The following SCAI variants were observed in gnomAD, a reference collection of about 807,000 sequenced individuals.
SCAI encodes the protein protein SCAI.
In SCAI, 24 loss-of-function variants were observed where a neutral mutation model predicts 92.2. That is an observed-to-expected ratio of 0.26 (90% CI 0.19 to 0.37). SCAI has a LOEUF of 0.37. Among genes scored for constraint, SCAI ranks in the 10% least tolerant of loss-of-function variants. SCAI has a pLI of 1.00. For synonymous variants in SCAI, 261 were observed against 258.6 expected (o/e 1.01, Z -0.09); for missense variants, 450 against 736.2 (o/e 0.61, Z 4.50).
chr9:125,087,773 A>G (rs968861565), intron 2 of SCAI, among the ~76,000 whole-genome samples: 1 of 152,154 alleles, frequency 6.6e-6, no homozygotes, highest in Non-Finnish European at 1.5e-5. Context: ...AATCAGGGAA[A>G]CTGGTAATTT....
intron 11 of SCAI, among the ~76,000 whole-genome samples, chr9:125,002,568 C>T (rs892191357): frequency 1.3e-5 from 2 of 149,280 alleles, no homozygotes; most frequent in Non-Finnish European, 3.0e-5. Context: ...CCGCAGCCTC[C>T]GCCTCCCGGG....
chr9:125,012,761 T>C (rs891584352), intron 9 of SCAI, among the ~76,000 whole-genome samples: 17 of 152,126 alleles, frequency 1.1e-4, no homozygotes, highest in African/African-American at 1.4e-4. Flanking sequence ...TATTCCAAAA[T>C]TGACCACATA....
intron 14 of SCAI, among the ~76,000 whole-genome samples, chr9:124,983,476 C>T (rs1453990768): frequency 6.6e-6 from 1 of 152,202 alleles, no homozygotes; most frequent in African/African-American, 2.4e-5. Context: ...CCTCAGCCTC[C>T]CTACTAGCTG....
chr9:124,983,947 A>G (rs536875797), intron 14 of SCAI, among the ~76,000 whole-genome samples: 1 of 152,336 alleles, frequency 6.6e-6, no homozygotes, highest in South Asian at 2.1e-4. Flanking sequence ...AATTAAACGT[A>G]TACACATAAA....
intron 6 of SCAI, among the ~76,000 whole-genome samples, chr9:125,024,465 C>T (rs1453876969): frequency 2.6e-5 from 4 of 151,928 alleles, no homozygotes; most frequent in African/African-American, 7.3e-5. Context: ...TTAGTAGAGA[C>T]GGGGTTTCAC....
chr9:125,023,188 A>G (rs1234307051), intron 6 of SCAI, among the ~76,000 whole-genome samples: 1 of 152,110 alleles, frequency 6.6e-6, no homozygotes, highest in Non-Finnish European at 1.5e-5. Context: ...TTTCTTACCA[A>G]TCCTTCTTGT....
chr9:124,958,721 A>G (rs1662885381), intron 17 of SCAI, among the ~76,000 whole-genome samples: 1 of 152,126 alleles, frequency 6.6e-6, no homozygotes, highest in Non-Finnish European at 1.5e-5. Flanking sequence ...AGCCTGGCCA[A>G]CATAGTGAAA....
chr9:125,072,524 T>A (rs1833998449), intron 2 of SCAI, among the ~76,000 whole-genome samples: 1 of 152,190 alleles, frequency 6.6e-6, no homozygotes, highest in Non-Finnish European at 1.5e-5. Context: ...ATTTTTTTAC[T>A]TTTTTATTGT....
Position 125,008,706 on chromosome 9 carries a change from C to A in SCAI, c.862-5136G>T, listed in dbSNP as rs147414667. 5.5e-3 allele frequency among the ~76,000 whole-genome samples: 845 copies of A among 152,266 alleles called. 7 individuals are homozygous for A. Among genetic ancestry groups the A allele is most frequent in the Non-Finnish European group, 6.5e-3 (439 of 68,004 alleles). On this transcript the variant is annotated intron_variant, in intron 9 of 17. Transcript: ENST00000336505. ...AATACAGAAAAGAATATAACAGACACACGTGGCACTGTGAACGGGTCTACA... is the reference window on the plus strand; with the variant it reads ...AATACAGAAAAGAATATAACAGACAAACGTGGCACTGTGAACGGGTCTACA...
rs936145712 is a variant in SCAI at position 124,972,347 on chromosome 9, G to A, written c.1400-503C>T. On this transcript the variant is annotated intron_variant, in intron 15 of 17. Transcript: ENST00000336505. ...ACAAATTTCTAATTCTCTATCAGCAGCCTAAATTGAATTCCTTAGGTCTGG... is the reference window on the plus strand; with the variant it reads ...ACAAATTTCTAATTCTCTATCAGCAACCTAAATTGAATTCCTTAGGTCTGG... Among the ~76,000 whole-genome samples, 3 of 152,224 alleles carry A rather than the reference G, an allele frequency of 2.0e-5. No homozygotes were observed. The East Asian group carries it at 5.8e-4, about 29-fold the overall frequency.
intron 17 of SCAI, among the ~76,000 whole-genome samples, chr9:124,960,191 G>A (rs909791482): frequency 6.6e-6 from 1 of 152,064 alleles, no homozygotes; most frequent in African/African-American, 2.4e-5. Context: ...GCTTGTACAA[G>A]CCTTTTTATA....
At chr9:124,991,665 C>G (rs1832126365) in intron 14 of SCAI, among the ~76,000 whole-genome samples, 1 of 151,778 alleles carries the variant, frequency 6.6e-6, no homozygotes, top group Admixed American at 6.6e-5. Context: ...GGTGAAACCC[C>G]ATCTCTACTA....
rs1834423265 is a variant in SCAI at position 125,091,229 on chromosome 9, A to T, written c.99-35222T>A. ...CTCCCCTAGGGGCATGACTTCAGCC[A>T]TGATTACAGATATTTGGATTCCCTT... is the stretch of plus-strand genomic sequence containing the variant. On this transcript the variant is annotated intron_variant, in intron 2 of 17. Coordinates refer to ENST00000336505, the MANE Select transcript of SCAI (RefSeq NM_001144877.3). The surrounding 1 kb of genome is among the most constrained non-coding windows in gnomAD (Gnocchi z 4.3). 6.6e-6 allele frequency among the ~76,000 whole-genome samples: 1 copy of T among 152,238 alleles called. No homozygotes were observed. The highest frequency in any genetic ancestry group is 2.4e-5 in the African/African-American group (1 of 41,466).
At chr9:124,980,488 A>G (rs1053834103) in intron 14 of SCAI, among the ~76,000 whole-genome samples, 1 of 152,122 alleles carries the variant, frequency 6.6e-6, no homozygotes, top group Non-Finnish European at 1.5e-5. Context: ...TGTCCCTAGA[A>G]TGTGCAAACA....
chr9:125,106,803 G>A (rs954593832), intron 2 of SCAI, among the ~76,000 whole-genome samples: 3 of 147,538 alleles, frequency 2.0e-5, no homozygotes, highest in Non-Finnish European at 3.0e-5. Context: ...TGACCTCCTG[G>A]GCTCAAGCAA....
At chr9:124,992,187 G>C (rs879542251) in intron 14 of SCAI, among the ~76,000 whole-genome samples, 2 of 152,056 alleles carry the variant, frequency 1.3e-5, no homozygotes, top group Non-Finnish European at 2.9e-5. Flanking sequence ...CAAAGTGCTG[G>C]GATTACAGGT....
chr9:125,143,370 A>G lies in SCAI; in HGVS notation c.53+15T>C. The G allele has an allele frequency of 2.4e-6, 3 of 1,246,592 alleles. No individual in the cohort carries two copies. Among genetic ancestry groups the G allele is most frequent in the Non-Finnish European group, 2.0e-6 (2 of 988,340 alleles). 77.2% of individuals were successfully genotyped at this position (1,246,592 alleles called of 1,614,324 possible). ...CACCCCATCCCCAACCCCGGCCTCC[A>G]CCCAGCCCCCGCACCTGGGGGCCAG... On this transcript the variant is annotated intron_variant, in intron 1 of 17. Coordinates refer to ENST00000336505, the MANE Select transcript of SCAI (RefSeq NM_001144877.3).
intron 2 of SCAI, among the ~76,000 whole-genome samples, chr9:125,072,265 G>A (rs1303863845): frequency 3.9e-5 from 6 of 152,042 alleles, no homozygotes; most frequent in Non-Finnish European, 7.4e-5. Flanking sequence ...CTCATGATCC[G>A]CCCACCTTGG....
chr9:124,985,792 G>A (rs1354002112), intron 14 of SCAI, among the ~76,000 whole-genome samples: 4 of 151,556 alleles, frequency 2.6e-5, no homozygotes, highest in African/African-American at 7.3e-5. Flanking sequence ...GAACCGGGGA[G>A]GCGGAGGTTG....
Sources: allele counts gnomAD v4.1 joint callset (sites outside exome capture counted in the v4.1 genomes callset), GRCh38; gene constraint gnomAD v4.1.1; non-coding constraint Gnocchi (gnomAD v3.1); transcripts MANE v1.5; gene names NCBI Gene and HGNC (gene_info 2026-07-23, HGNC 2026-07-21).